Variants in NTN1 observed in about 807,000 individuals in gnomAD.
NTN1 encodes netrin 1, also known as netrin-1.
In NTN1, 11 loss-of-function variants were observed where a neutral mutation model predicts 54.2. The observed-to-expected ratio is 0.20, with a 90% CI of 0.13 to 0.34. The LOEUF is 0.34. NTN1 is among the 10% of genes least tolerant of loss of function. The pLI, the probability that NTN1 is intolerant of heterozygous loss-of-function variation, is 1.00. For missense variants in NTN1, 740 were observed against 893.1 expected, an observed-to-expected ratio of 0.83 and a Z score of 2.18; for synonymous variants, 371 against 382.0, an observed-to-expected ratio of 0.97 and a Z score of 0.33.
At chr17:9,122,004 A>G (rs2142262252) in intron 2 of NTN1, among the ~76,000 whole-genome samples, 1 of 150,556 alleles carries the variant, frequency 6.6e-6, no homozygotes. Flanking sequence ...CTCTGTACGC[A>G]TTTGGGGTTC....
chr17:9,061,650 G>A (rs1342916518), intron 2 of NTN1, among the ~76,000 whole-genome samples: 4 of 152,222 alleles, frequency 2.6e-5, no homozygotes, highest in African/African-American at 9.6e-5. Context: ...ACTGGTAAGC[G>A]ATGGGCATCC....
At position 9,112,652 on chromosome 17, in the gene NTN1, C is replaced by T. The variant is rs572567157; in HGVS notation, c.1019-50161C>T. Reference sequence around the variant, plus strand: ...CATCCTGGCTAACATGGTGAAACCCCGTCTTTACTAAAAATACAAAAAATT... The same window carrying T: ...CATCCTGGCTAACATGGTGAAACCCTGTCTTTACTAAAAATACAAAAAATT... On this transcript the variant is annotated intron_variant, in intron 2 of 6. Coordinates refer to ENST00000173229, the MANE Select transcript of NTN1 (RefSeq NM_004822.3). Among the ~76,000 whole-genome samples the T allele has an allele frequency of 7.9e-5, 12 of 151,138 alleles. No homozygotes were observed. In the East Asian group the frequency reaches 2.4e-3, roughly 30 times the overall value.
At chr17:9,199,875 T>C (rs2142335580) in intron 5 of NTN1, among the ~76,000 whole-genome samples, 1 of 152,352 alleles carries the variant, frequency 6.6e-6, no homozygotes, top group Admixed American at 6.5e-5. Context: ...CATTTTGGCA[T>C]CAGGAAGTGG....
intron 5 of NTN1, among the ~76,000 whole-genome samples, chr17:9,205,797 G>A (rs1597537607): frequency 6.6e-6 from 1 of 152,378 alleles, no homozygotes; most frequent in South Asian, 2.1e-4. Flanking sequence ...AGTGACTTTG[G>A]ATGCTGAACA....
At chr17:9,030,099 C>T (rs1020070567) in intron 2 of NTN1, among the ~76,000 whole-genome samples, 34 of 152,168 alleles carry the variant, frequency 2.2e-4, no homozygotes, top group Admixed American at 1.3e-4. Flanking sequence ...CCAGTTCTCC[C>T]CTCTGATGGA....
the NTN1 span, among the ~76,000 whole-genome samples, chr17:9,004,323 C>CAGACTTTTT: frequency 1.6e-4 from 24 of 152,252 alleles, no homozygotes; most frequent in Non-Finnish European, 8.8e-5. Flanking sequence ...TCGACCTGCA[C>CAGACTTTTT]AGACTTTTTA....
intron 5 of NTN1, among the ~76,000 whole-genome samples, chr17:9,187,654 CAAAAAAAAAAAAA>C (rs763852001): frequency 1.3e-4 from 7 of 52,906 alleles, no homozygotes; most frequent in Admixed American, 5.2e-4. Context: ...CTCATCTCTC[CAAAAAAAAAAAAA>C]AAAAAAAAAA....
At chr17:9,183,581 G>T in intron 5 of NTN1, 2 of 280,628 alleles carry the variant, frequency 7.1e-6, no homozygotes, top group South Asian at 3.5e-5. Context: ...CGTTCATGCT[G>T]GTTATTGCTT....
At chr17:9,153,218 G>A (rs2092332632) in intron 2 of NTN1, among the ~76,000 whole-genome samples, 1 of 152,114 alleles carries the variant, frequency 6.6e-6, no homozygotes, top group Non-Finnish European at 1.5e-5. Context: ...GCAGTTAGGT[G>A]GGCAGATCAC....
chr17:9,034,296 T>C (rs549126128), intron 2 of NTN1, among the ~76,000 whole-genome samples: 9 of 152,356 alleles, frequency 5.9e-5, no homozygotes, highest in Non-Finnish European at 1.2e-4. Context: ...ATCCTAGACC[T>C]TGGGATTTTA....
intron 2 of NTN1, among the ~76,000 whole-genome samples, chr17:9,063,961 GATTT>G (rs1455949401): frequency 6.6e-6 from 1 of 152,128 alleles, no homozygotes; most frequent in Non-Finnish European, 1.5e-5. Context: ...TTTCCAGTAT[GATTT>G]ATTTATTTTT....
chr17:9,177,225 C>T (rs2092402473), intron 3 of NTN1: 3 of 152,336 alleles, frequency 2.0e-5, no homozygotes, highest in African/African-American at 7.2e-5. Flanking sequence ...CTGCCGCACC[C>T]AGCAGACACA....
intron 2 of NTN1, among the ~76,000 whole-genome samples, chr17:9,060,433 G>C (rs550138807): frequency 6.6e-6 from 1 of 152,280 alleles, no homozygotes; most frequent in African/African-American, 2.4e-5. Context: ...GCTACTATCA[G>C]TTCAGTTTTT....
At chr17:9,215,570 T>G (rs1333302859) in intron 5 of NTN1, among the ~76,000 whole-genome samples, 1 of 152,226 alleles carries the variant, frequency 6.6e-6, no homozygotes, top group Non-Finnish European at 1.5e-5. Context: ...TTGGAACATT[T>G]TGTGAGCCCT....
intron 2 of NTN1, among the ~76,000 whole-genome samples, chr17:9,098,492 C>T (rs2092139358): frequency 6.6e-6 from 1 of 152,220 alleles, no homozygotes; most frequent in South Asian, 2.1e-4. Context: ...GCATATCTGG[C>T]CTGTCTGATG....
At chr17:9,208,229 C>T (rs749869015) in intron 5 of NTN1, among the ~76,000 whole-genome samples, 1 of 152,184 alleles carries the variant, frequency 6.6e-6, no homozygotes, top group Non-Finnish European at 1.5e-5. Context: ...GACACTCCAT[C>T]TCTAAATAAA....
chr17:9,153,210 A>G (rs1490200190), intron 2 of NTN1, among the ~76,000 whole-genome samples: 1 of 151,614 alleles, frequency 6.6e-6, no homozygotes, highest in East Asian at 1.9e-4. Flanking sequence ...CAGAGGTTGC[A>G]GTTAGGTGGG....
the NTN1 span, among the ~76,000 whole-genome samples, chr17:9,011,929 C>T: frequency 8.5e-5 from 13 of 152,112 alleles, no homozygotes; most frequent in Non-Finnish European, 1.6e-4. Flanking sequence ...CTGGTCACCA[C>T]TTTAACTGTC....
intron 2 of NTN1, among the ~76,000 whole-genome samples, chr17:9,031,442 A>C (rs2151509806): frequency 6.6e-6 from 1 of 152,290 alleles, no homozygotes; most frequent in Non-Finnish European, 1.5e-5. Flanking sequence ...CTTTCCTCCT[A>C]AGTCGAGAAA....
Sources: gnomAD v4.1 joint callset for allele counts (sites outside exome capture counted in the v4.1 genomes callset) on GRCh38, gnomAD v4.1.1 for gene constraint, MANE v1.5 for transcripts, NCBI Gene and HGNC (gene_info 2026-07-23, HGNC 2026-07-21) for gene names.